BRF1: variants seen among roughly 807,000 people sequenced by gnomAD.
BRF1 encodes BRF1 general transcription factor IIIB subunit.
BRF1 carries 59 observed loss-of-function variants against 81.7 expected under a neutral mutation model. The observed-to-expected ratio is 0.72, with a 90% CI of 0.59 to 0.90. The LOEUF (loss-of-function observed/expected upper bound fraction) is 0.90. BRF1 is among the 40% of genes least tolerant of loss of function. The pLI is 0.00. For missense variants in BRF1, 1,050 were observed against 936.3 expected (o/e 1.12, Z -1.58); for synonymous variants, 491 against 395.6 (o/e 1.24, Z -2.86).
At chr14:105,262,036 C>G (rs2056184273) in intron 3 of BRF1, among the ~76,000 whole-genome samples, 1 of 152,212 alleles carries the variant, frequency 6.6e-6, no homozygotes, top group African/African-American at 2.4e-5. Flanking sequence ...AGTGCCCAGC[C>G]CCAACCCACC....
In BRF1 at chr14:105,309,021, C is replaced by G. The variant is rs1325727063; in HGVS notation, c.-162+6301G>C. On this transcript the variant is annotated intron_variant, in intron 1 of 17. Coordinates refer to the BRF1 transcript ENST00000327359. This position sits in a 1 kb window ranked among gnomAD's most constrained non-coding sequence, Gnocchi z 4.0. ...AAAAGACAAACAAAACCTAACAAAACCAGAAATCCATCCTGCACGAAGAGC... is the reference window on the plus strand; with the variant it reads ...AAAAGACAAACAAAACCTAACAAAAGCAGAAATCCATCCTGCACGAAGAGC... 6.6e-6 allele frequency among the ~76,000 whole-genome samples: 1 copy of G among 152,000 alleles called. No individual in the cohort carries two copies. The highest frequency in any genetic ancestry group is 1.5e-5 in the Non-Finnish European group (1 of 67,982).
upstream of BRF1, among the ~76,000 whole-genome samples, chr14:105,302,767 A>C (rs922056832): frequency 1.3e-5 from 2 of 150,062 alleles, no homozygotes; most frequent in Non-Finnish European, 1.5e-5. Context: ...TTTTGTAGAG[A>C]TGGGTTTTTG....
chr14:105,221,025 G>C (rs1421758184), intron 11 of BRF1, among the ~76,000 whole-genome samples: 2 of 152,252 alleles, frequency 1.3e-5, no homozygotes, highest in Non-Finnish European at 2.9e-5. Context: ...GATATCACTT[G>C]ATAAACATTC....
At position 105,271,150 on chromosome 14, in the gene BRF1, T is replaced by C. The variant is rs1217106242; in HGVS notation, c.439+1571A>G. On this transcript the variant is annotated intron_variant, in intron 3 of 17. Coordinates refer to ENST00000547530, the MANE Select transcript of BRF1 (RefSeq NM_001519.4). The surrounding 1 kb of genome is among the most constrained non-coding windows in gnomAD (Gnocchi z 5.5). ...CAGGTGCTGTCCCAAAGCAAAAAGA[T>C]AGCCACGTGCAAAAAAGGATGAGAT... 6.6e-6 allele frequency among the ~76,000 whole-genome samples: 1 copy of C among 152,208 alleles called. No homozygotes were observed. Among genetic ancestry groups the C allele is most frequent in the African/African-American group, 2.4e-5 (1 of 41,448 alleles).
chr14:105,241,154 G>T lies in BRF1; in HGVS notation c.694+111C>A, dbSNP rs1026394730. On this transcript the variant is annotated intron_variant, in intron 6 of 17. Coordinates refer to ENST00000547530, the MANE Select transcript of BRF1 (RefSeq NM_001519.4). ...AGTCAGCCCCGGGAGGCTGGAGGCA[G>T]CTCTCAGTGCTCTGCAAACATACGG... is the stretch of plus-strand genomic sequence containing the variant. 7 of 1,501,020 alleles carry T rather than the reference G, an allele frequency of 4.7e-6. No individual in the cohort carries two copies. The East Asian group carries it at 6.8e-5, about 15-fold the overall frequency. 93.0% of individuals were successfully genotyped at this position (1,501,020 alleles called of 1,614,324 possible).
chr14:105,228,641 C>A (rs149999008), intron 7 of BRF1, among the ~76,000 whole-genome samples, 179 bp downstream of exon 7: 1 of 151,850 alleles, frequency 6.6e-6, no homozygotes, highest in Non-Finnish European at 1.5e-5. Flanking sequence ...TGGAGGGAGG[C>A]GAGGCAGCCC....
Position 105,220,094 on chromosome 14 carries a change from C to A in BRF1, c.1352G>T (p.Gly451Val), listed in dbSNP as rs752337983. Reference protein sequence around the residue: ...ASGDGELDLSGIDDLEIDRYI... With the variant: ...ASGDGELDLSVIDDLEIDRYI... ...CCTGTCAATCTCCAGGTCATCAATG[C>A]CACTGAGGTCCAGCTCACCGTCTCC... The change falls in exon 12 of 18, where the codon GGC becomes GTC. Residue 451 changes from glycine (G) to valine (V), a missense_variant. Gly to Val is a moderately radical substitution (Grantham distance 109). This residue lies in a region of BRF1 where 1,043 missense variants were observed against 915.4 expected (regional missense o/e 1.14). Transcript: ENST00000547530. 1 of 1,613,382 alleles carries A rather than the reference C, an allele frequency of 6.2e-7. No individual in the cohort carries two copies. Among genetic ancestry groups the A allele is most frequent in the South Asian group, 1.1e-5 (1 of 91,090 alleles).
At chr14:105,265,963 C>T (rs1409138535) in intron 3 of BRF1, among the ~76,000 whole-genome samples, 2 of 149,822 alleles carry the variant, frequency 1.3e-5, no homozygotes, top group Non-Finnish European at 3.0e-5. Context: ...CCCAGCTACT[C>T]GGGAGGCTGA....
At chr14:105,211,718 C>T (rs987250077) in intron 16 of BRF1, 11 of 352,988 alleles carry the variant, frequency 3.1e-5, no homozygotes, top group South Asian at 1.1e-4. Flanking sequence ...CCTTCACCCT[C>T]GTTTCCTGGG....
At chr14:105,222,277 C>A in intron 10 of BRF1, 1 of 203,990 alleles carries the variant, frequency 4.9e-6, no homozygotes, top group South Asian at 1.1e-4. Flanking sequence ...TGAAAGACAT[C>A]GTTAAGACAA....
intron 6 of BRF1, 65 bp from the exon 7 acceptor site, chr14:105,228,978 C>G: frequency 2.8e-6 from 4 of 1,450,320 alleles, no homozygotes; most frequent in Middle Eastern, 1.7e-4. Context: ...CTGTGGCGGC[C>G]CAGGACAACA....
intron 14 of BRF1, among the ~76,000 whole-genome samples, chr14:105,218,210 G>A (rs773001304): frequency 1.3e-5 from 2 of 152,008 alleles, no homozygotes; most frequent in Non-Finnish European, 2.9e-5. Flanking sequence ...CCCCAGCACC[G>A]CTGCCCACGT....
chr14:105,267,011 C>A (rs2140374358), intron 3 of BRF1, among the ~76,000 whole-genome samples: 1 of 152,172 alleles, frequency 6.6e-6, no homozygotes, highest in East Asian at 1.9e-4. Flanking sequence ...CCACTGCACT[C>A]CAGCCTGGGT....
In BRF1 at chr14:105,272,905, G is replaced by A. The variant is rs771906285; in HGVS notation, c.266-11C>T. On this transcript the variant is annotated splice_polypyrimidine_tract_variant and intron_variant, in intron 2 of 17. Coordinates refer to ENST00000547530, the MANE Select transcript of BRF1 (RefSeq NM_001519.4). ...GGATGTGGCGCCTCCCTAGGACACA[G>A]CACGAGGCAGCTCTTAGCCAAATGT... 1.9e-6 allele frequency: 3 copies of A among 1,585,654 alleles called. No homozygotes were observed. Among genetic ancestry groups the A allele is most frequent in the East Asian group, 2.3e-5 (1 of 43,936 alleles).
chr14:105,229,741 G>T (rs1265123780), intron 6 of BRF1, among the ~76,000 whole-genome samples: 1 of 20,374 alleles, frequency 4.9e-5, no homozygotes, highest in Non-Finnish European at 1.1e-4. Flanking sequence ...CGCCCAGCTG[G>T]GGGCGGGGGA....
intron 5 of BRF1, chr14:105,247,179 G>C (rs1392688892): frequency 2.0e-6 from 2 of 985,498 alleles, no homozygotes; most frequent in South Asian, 4.7e-5. Flanking sequence ...GCCTCGGTGG[G>C]TGTGTCCTTG....
intron 4 of BRF1, among the ~76,000 whole-genome samples, 192 bp from the exon 5 acceptor site, chr14:105,252,771 A>C (rs2055682814): frequency 6.6e-6 from 1 of 152,196 alleles, no homozygotes; most frequent in South Asian, 2.1e-4. Context: ...TCTTCCTCTA[A>C]GCCGCTGCTT....
intron 1 of BRF1, among the ~76,000 whole-genome samples, chr14:105,311,580 A>G (rs1015890182): frequency 4.6e-5 from 7 of 151,914 alleles, no homozygotes; most frequent in African/African-American, 1.7e-4. Flanking sequence ...TTAACTCACT[A>G]TTTCTGCCAG....
rs1434617376 is a variant in BRF1, at chr14:105,300,963, C to G, written c.-334G>C. The stretch of plus-strand genomic sequence containing the variant: ...TGCGGGGGCTGGGCTTCGGCGGAAC[C>G]CGAGCGGGGCCTACCGGTGAGCGCA... On this transcript the variant is annotated 5_prime_UTR_variant, in exon 1 of 18. Transcript: ENST00000547530. The G allele has an allele frequency of 6.5e-6, 1 of 154,300 alleles. No homozygotes were observed. The highest frequency in any genetic ancestry group is 2.4e-5 in the African/African-American group (1 of 41,470). The allele number at this position is 154,300 out of a possible 1,614,324, so 9.6% of individuals were successfully genotyped here.
Sources: gnomAD v4.1 joint callset for allele counts (sites outside exome capture counted in the v4.1 genomes callset) on GRCh38, gnomAD v4.1.1 for gene constraint, gnomAD v4.1.1 regional missense constraint, Gnocchi (gnomAD v3.1) non-coding constraint, MANE v1.5 for transcripts, NCBI Gene and HGNC (gene_info 2026-07-23, HGNC 2026-07-21) for gene names.